The following CTIF variants were observed in gnomAD, a reference collection of about 807,000 sequenced individuals.
CTIF encodes the protein CBP80/20-dependent translation initiation factor.
A neutral mutation model predicts 66.0 loss-of-function variants in CTIF; 21 were observed. That is an observed-to-expected ratio of 0.32 (90% CI 0.23 to 0.46). The LOEUF (loss-of-function observed/expected upper bound fraction) is 0.46, where lower values mean the gene tolerates loss of function less well. CTIF is among the 20% of genes least tolerant of loss of function. CTIF has a pLI of 1.00. For synonymous variants in CTIF, 345 were observed against 326.4 expected (o/e 1.06, Z -0.62); for missense variants, 739 against 812.7 (o/e 0.91, Z 1.10).
intron 6 of CTIF, among the ~76,000 whole-genome samples, chr18:48,710,975 T>A (rs893812311): frequency 6.6e-6 from 1 of 151,998 alleles, no homozygotes; most frequent in African/African-American, 2.4e-5. Flanking sequence ...CTGTCTCAAA[T>A]AATAATAATA....
intron 1 of CTIF, among the ~76,000 whole-genome samples, chr18:48,581,784 A>G (rs985802367): frequency 1.3e-5 from 2 of 152,184 alleles, no homozygotes; most frequent in African/African-American, 4.8e-5. Context: ...AGGTGTTATT[A>G]TCGGTCATAG....
intron 7 of CTIF, among the ~76,000 whole-genome samples, chr18:48,736,535 T>G (rs776001178): frequency 2.0e-5 from 3 of 152,220 alleles, no homozygotes; most frequent in Non-Finnish European, 4.4e-5. Context: ...ATCCTGTTCC[T>G]CCGATGATTT....
chr18:48,605,202 C>G (rs2090180957), intron 1 of CTIF, among the ~76,000 whole-genome samples: 1 of 152,156 alleles, frequency 6.6e-6, no homozygotes, highest in Non-Finnish European at 1.5e-5. Context: ...GCAAACCATT[C>G]CATATGGTTT....
At chr18:48,572,605 T>C (rs1303197626) in intron 1 of CTIF, among the ~76,000 whole-genome samples, 1 of 152,306 alleles carries the variant, frequency 6.6e-6, no homozygotes, top group East Asian at 1.9e-4. Flanking sequence ...TGGGAGTTAA[T>C]GCTGCTTCAT....
At chr18:48,696,696 A>G (rs1319310263) in intron 6 of CTIF, among the ~76,000 whole-genome samples, 1 of 152,114 alleles carries the variant, frequency 6.6e-6, no homozygotes, top group Non-Finnish European at 1.5e-5. Flanking sequence ...TAATTCCTAC[A>G]ACGAAAGGTA....
intron 9 of CTIF, among the ~76,000 whole-genome samples, chr18:48,780,350 A>C (rs951980569): frequency 2.0e-5 from 3 of 152,254 alleles, no homozygotes; most frequent in Middle Eastern, 3.4e-3. Context: ...CCACCTTGTA[A>C]ATCGCTTTCT....
intron 9 of CTIF, among the ~76,000 whole-genome samples, chr18:48,776,773 A>G (rs1390419776): frequency 1.3e-5 from 2 of 152,226 alleles, no homozygotes; most frequent in Admixed American, 1.3e-4. Context: ...GGGTGGGAAG[A>G]GAAGATGGGA....
chr18:48,833,601 C>T (rs1022518875), intron 10 of CTIF, among the ~76,000 whole-genome samples: 15 of 152,154 alleles, frequency 9.9e-5, no homozygotes, highest in African/African-American at 3.4e-4. Context: ...GTCCCCCTTC[C>T]GGGGACTTTC....
At position 48,822,082 on chromosome 18, in the gene CTIF, C is replaced by G. The variant is rs2068495671; in HGVS notation, c.1527+4706C>G. Among the ~76,000 whole-genome samples, 3 of 152,220 alleles carry G rather than the reference C, an allele frequency of 2.0e-5. No homozygotes were observed. In the South Asian group the frequency reaches 6.2e-4, roughly 31 times the overall value. ...TAAATGGAATTATGCAGTATTCGTT[C>G]TTCTGTGACTGGCTTATTTCATTTA... On this transcript the variant is annotated intron_variant, in intron 10 of 11. Coordinates refer to ENST00000256413, the MANE Select transcript of CTIF (RefSeq NM_014772.3).
chr18:48,794,574 G>C (rs74436819), intron 9 of CTIF, among the ~76,000 whole-genome samples: 171 of 152,284 alleles, frequency 1.1e-3, no homozygotes, highest in African/African-American at 4.1e-3. Flanking sequence ...TGCCTGAGGT[G>C]GGGGGTTGAA....
At chr18:48,758,877 G>A (rs544999983) in intron 8 of CTIF, among the ~76,000 whole-genome samples, 1 of 152,300 alleles carries the variant, frequency 6.6e-6, no homozygotes, top group African/African-American at 2.4e-5. Flanking sequence ...GAGGTGAGTT[G>A]TTCAGAGTGG....
intron 9 of CTIF, among the ~76,000 whole-genome samples, chr18:48,780,270 T>TC (rs1027185197): frequency 6.6e-6 from 1 of 152,206 alleles, no homozygotes; most frequent in Non-Finnish European, 1.5e-5. Context: ...CAGCCTGGGT[T>TC]GCTCAGTCCT....
chr18:48,695,672 G>A (rs929251129), intron 6 of CTIF, among the ~76,000 whole-genome samples: 2 of 152,226 alleles, frequency 1.3e-5, no homozygotes, highest in African/African-American at 4.8e-5. Flanking sequence ...ATTAGTTACT[G>A]TATCAGAAAC....
chr18:48,572,622 G>A (rs917604406), intron 1 of CTIF, among the ~76,000 whole-genome samples: 1 of 152,098 alleles, frequency 6.6e-6, no homozygotes, highest in Non-Finnish European at 1.5e-5. Context: ...TCATACGTGG[G>A]GTGTGTGTCA....
chr18:48,774,863 G>GAAT (rs1342610826), intron 9 of CTIF, among the ~76,000 whole-genome samples: 3 of 152,166 alleles, frequency 2.0e-5, no homozygotes, highest in Non-Finnish European at 4.4e-5. Context: ...GCTATAATCG[G>GAAT]AATAAGTGCA....
At chr18:48,603,327 A>T (rs2090134732) in intron 1 of CTIF, among the ~76,000 whole-genome samples, 1 of 135,220 alleles carries the variant, frequency 7.4e-6, no homozygotes, top group African/African-American at 2.9e-5. Context: ...TTGGATGGAT[A>T]CATGAATGGG....
intron 1 of CTIF, among the ~76,000 whole-genome samples, chr18:48,575,780 C>T (rs1331947477): frequency 2.0e-5 from 3 of 152,218 alleles, no homozygotes; most frequent in Admixed American, 6.5e-5. Flanking sequence ...GGGCTGTGGC[C>T]GCAACCCCAA....
At chr18:48,852,107 A>G (rs537135955) in intron 10 of CTIF, among the ~76,000 whole-genome samples, 1 of 151,686 alleles carries the variant, frequency 6.6e-6, no homozygotes, top group Non-Finnish European at 1.5e-5. Context: ...ATGGTGGTGC[A>G]CCCCTGCTCC....
chr18:48,791,177 C>T (rs531830759), intron 9 of CTIF, among the ~76,000 whole-genome samples: 1 of 152,324 alleles, frequency 6.6e-6, no homozygotes, highest in East Asian at 1.9e-4. Flanking sequence ...GCTCCCAGGC[C>T]TCCTGCATGC....
Sources: gnomAD v4.1 joint callset for allele counts (sites outside exome capture counted in the v4.1 genomes callset) on GRCh38, gnomAD v4.1.1 for gene constraint, MANE v1.5 for transcripts, NCBI Gene and HGNC (gene_info 2026-07-23, HGNC 2026-07-21) for gene names.